The following COL15A1 variants were observed in gnomAD, a reference collection of about 807,000 sequenced individuals.
COL15A1 encodes collagen alpha-1(XV) chain.
In COL15A1, 111 loss-of-function variants were observed where a neutral mutation model predicts 165.9. The observed-to-expected ratio is 0.67, with a 90% confidence interval of 0.57 to 0.78. The LOEUF (loss-of-function observed/expected upper bound fraction) is 0.78, where lower values mean the gene tolerates loss of function less well. Ranked by LOEUF, COL15A1 falls within the 30% of genes least tolerant of loss-of-function variation. The probability of loss-of-function intolerance (pLI) is 0.00; values close to 1 mark genes in which losing one functional copy is unlikely to be tolerated. For synonymous variants in COL15A1, 659 were observed against 674.8 expected, an observed-to-expected ratio of 0.98 and a Z score of 0.36; for missense variants, 1,745 against 1,789.7, an observed-to-expected ratio of 0.98 and a Z score of 0.45.
rs1236166594 is a variant in COL15A1 at position 99,054,616 on chromosome 9, A to G, written c.2991A>G (p.Ser997=). 2 of 1,613,580 alleles carry G rather than the reference A, an allele frequency of 1.2e-6. No individual in the cohort carries two copies. The highest frequency in any genetic ancestry group is 1.7e-6 in the Non-Finnish European group (2 of 1,179,796). ...AAGGATCCTGGGGTCTTCCTGGCTC[A>G]AAGGGAGAAAAAGGCGACCAGGGAG... The part of the protein sequence containing the change: ...GEKGSWGLPG[S]KGEKGDQGAQ... Residue 997 remains serine, a synonymous_variant, in exon 32 of 42, where the codon TCA becomes TCG. Transcript: ENST00000375001.
At chr9:98,956,113 C>T (rs779305999) in intron 2 of COL15A1, among the ~76,000 whole-genome samples, 2 of 152,176 alleles carry the variant, frequency 1.3e-5, no homozygotes, top group Non-Finnish European at 2.9e-5. Flanking sequence ...TGTGACCAGC[C>T]GGGCCAACAT....
intron 35 of COL15A1, among the ~76,000 whole-genome samples, chr9:99,059,094 A>C (rs1537505): frequency 0.14 from 20,793 of 152,146 alleles, 1,469 homozygotes; most frequent in South Asian, 0.2. Flanking sequence ...AGACTCCTAG[A>C]GAGTTCAAGG....
rs60290557 is a variant in COL15A1 at position 99,034,586 on chromosome 9, TAAAAAAAAAAAA to T, written c.2079+19_2079+30del. On this transcript the variant is annotated splice_donor_5th_base_variant and intron_variant, in intron 17 of 41. Transcript: ENST00000375001. The stretch of plus-strand genomic sequence containing the variant: ...CCTAATGGCTCAGTTGGTGAAAAGG[TAAAAAAAAAAAA>T]AAAAAAAAAAAAAAAAGAACTTTCT... 371 of 1,074,720 alleles carry T rather than the reference TAAAAAAAAAAAA, an allele frequency of 3.5e-4. No individual in the cohort carries two copies. Among genetic ancestry groups the T allele is most frequent in the African/African-American group, 1.1e-3 (41 of 37,436 alleles). The allele number at this position is 1,074,720 out of a possible 1,614,324, so 66.6% of individuals were successfully genotyped here. A position where few individuals can be genotyped will look rare whatever the true frequency, so the allele number is the denominator to read the frequency against.
chr9:99,054,982 TAG>T, intron 32 of COL15A1, 118 bp from the exon 33 acceptor site: 1 of 889,750 alleles, frequency 1.1e-6, no homozygotes, highest in South Asian at 1.4e-5. Flanking sequence ...CAGACTCTGT[TAG>T]CCAACCCAGT....
intron 36 of COL15A1, among the ~76,000 whole-genome samples, chr9:99,061,423 G>A (rs965844034): frequency 2.6e-5 from 4 of 152,132 alleles, no homozygotes; most frequent in African/African-American, 9.7e-5. Flanking sequence ...ACTTTTCTAG[G>A]CAGAGAAATT....
Position 99,049,872 on chromosome 9 carries a change from G to C in COL15A1, c.2881G>C (p.Val961Leu). The C allele has an allele frequency of 6.2e-7, 1 of 1,614,164 alleles. No individual in the cohort carries two copies. The highest frequency in any genetic ancestry group is 8.5e-7 in the Non-Finnish European group (1 of 1,180,036). Residue 961 changes from valine to leucine, a missense_variant, in exon 30 of 42, where the codon GTC becomes CTC. Transcript: ENST00000375001. ...NIKGAIFPIP[V>L]RPHCKMPVDT... ...CCCACAGGCCATTTTCCCAATACCCGTCCGACCACACTGCAAAATGCCAGT... is the reference window on the plus strand; with the variant it reads ...CCCACAGGCCATTTTCCCAATACCCCTCCGACCACACTGCAAAATGCCAGT...
chr9:99,065,607 G>A (rs935346167), intron 39 of COL15A1, among the ~76,000 whole-genome samples: 8 of 149,950 alleles, frequency 5.3e-5, no homozygotes, highest in African/African-American at 2.0e-4. Flanking sequence ...GGGAAGCCTT[G>A]GCTCAGTGCG....
intron 2 of COL15A1, among the ~76,000 whole-genome samples, chr9:98,946,476 G>GCCTT (rs1245880919): frequency 3.9e-5 from 6 of 152,146 alleles, no homozygotes; most frequent in African/African-American, 1.4e-4. Flanking sequence ...AGTCTTCAAA[G>GCCTT]CACAATGTCA....
chr9:98,966,342 AC>A (rs1837956131), intron 2 of COL15A1, among the ~76,000 whole-genome samples: 1 of 152,018 alleles, frequency 6.6e-6, no homozygotes, highest in South Asian at 2.1e-4. Flanking sequence ...CCAATGCTGC[AC>A]CCCCATGGAG....
chr9:98,954,583 T>C (rs1452142283), intron 2 of COL15A1, among the ~76,000 whole-genome samples: 5 of 152,244 alleles, frequency 3.3e-5, no homozygotes, highest in Admixed American at 3.3e-4. Context: ...TTCTCATTGC[T>C]CACTATTATG....
In COL15A1 at chr9:99,023,455, T is replaced by A; in HGVS notation, c.1854+6T>A. Reference sequence around the variant, plus strand: ...GCAGTGAGCAGCTGCTGAGAGTGAGTGTGAAGGAGGACACGACCTGGTGTC... The same window carrying A: ...GCAGTGAGCAGCTGCTGAGAGTGAGAGTGAAGGAGGACACGACCTGGTGTC... On this transcript the variant is annotated splice_donor_region_variant and intron_variant, in intron 14 of 41. Transcript: ENST00000375001. 8.0e-7 allele frequency: 1 copy of A among 1,246,992 alleles called. No homozygotes were observed. Among genetic ancestry groups the A allele is most frequent in the Non-Finnish European group, 1.2e-6 (1 of 847,868 alleles). The allele number at this position is 1,246,992 out of a possible 1,614,324, so 77.2% of individuals were successfully genotyped here.
chr9:99,011,423 A>ACC (rs1554688115), intron 9 of COL15A1, among the ~76,000 whole-genome samples: 3 of 135,136 alleles, frequency 2.2e-5, no homozygotes, highest in Non-Finnish European at 4.7e-5. Context: ...AAAAAAAAAA[A>ACC]AGTCATTTTA....
intron 7 of COL15A1, among the ~76,000 whole-genome samples, chr9:99,001,928 C>G (rs1312118275): frequency 2.0e-5 from 3 of 152,120 alleles, no homozygotes; most frequent in African/African-American, 4.8e-5. Flanking sequence ...TAACTTCTGC[C>G]CGGGCTTCCA....
intron 9 of COL15A1, among the ~76,000 whole-genome samples, chr9:99,008,729 C>T (rs1301230505): frequency 6.6e-6 from 1 of 152,136 alleles, no homozygotes; most frequent in East Asian, 1.9e-4. Flanking sequence ...CATGGCTCAG[C>T]CTCCCAAGTA....
intron 32 of COL15A1, among the ~76,000 whole-genome samples, chr9:99,054,887 C>T (rs552524304): frequency 6.6e-5 from 10 of 152,222 alleles, no homozygotes; most frequent in Non-Finnish European, 4.4e-5. Flanking sequence ...AAACAATGTC[C>T]AAAGAAGGCC....
intron 2 of COL15A1, among the ~76,000 whole-genome samples, chr9:98,950,518 C>T: frequency 8.3e-6 from 1 of 121,192 alleles, no homozygotes; most frequent in African/African-American, 3.2e-5. Flanking sequence ...CCTTCCTTCC[C>T]TTCCCTTCCT....
chr9:98,983,263 C>T (rs1403810913), intron 2 of COL15A1, among the ~76,000 whole-genome samples: 5 of 152,110 alleles, frequency 3.3e-5, no homozygotes, highest in African/African-American at 7.2e-5. Flanking sequence ...GTATACATAC[C>T]CATTCATGGG....
At position 99,040,664 on chromosome 9, in the gene COL15A1, G is replaced by A; in HGVS notation, c.2511+108G>A. The A allele has an allele frequency of 3.2e-6, 5 of 1,583,930 alleles. No homozygotes were observed. In the East Asian group the frequency reaches 6.8e-5, roughly 21 times the overall value. Reference sequence around the variant, plus strand: ...CATCTATGCATGACTGAGCTCCAGGGGCATCTTGTTCATTAACTTTTTCTT... The same window carrying A: ...CATCTATGCATGACTGAGCTCCAGGAGCATCTTGTTCATTAACTTTTTCTT... On this transcript the variant is annotated intron_variant, in intron 23 of 41. Transcript: ENST00000375001.
At chr9:99,048,356 T>C (rs1367156597) in intron 28 of COL15A1, among the ~76,000 whole-genome samples, 1 of 152,024 alleles carries the variant, frequency 6.6e-6, no homozygotes. Flanking sequence ...CTCACATCAC[T>C]AGGGGCTCAG....
Sources: gnomAD v4.1 joint callset for allele counts (sites outside exome capture counted in the v4.1 genomes callset) on GRCh38, gnomAD v4.1.1 for gene constraint, MANE v1.5 for transcripts, NCBI Gene and HGNC (gene_info 2026-07-23, HGNC 2026-07-21) for gene names.